Variants in GBE1 observed in about 807,000 individuals in gnomAD.
GBE1 encodes 1,4-alpha-glucan branching enzyme 1.
GBE1 carries 70 observed loss-of-function variants against 88.8 expected under a neutral mutation model. The ratio of observed to expected loss-of-function variants is 0.79; its 90% CI spans 0.65 to 0.96. The LOEUF is 0.96. Ranked by LOEUF, GBE1 falls within the 40% of genes least tolerant of loss-of-function variation. The probability of loss-of-function intolerance (pLI) is 0.00; values close to 1 mark genes in which losing one functional copy is unlikely to be tolerated. For missense variants in GBE1, 872 were observed against 871.0 expected (o/e 1.00, Z -0.01); for synonymous variants, 284 against 300.1 (o/e 0.95, Z 0.56).
chr3:81,555,532 A>T (rs1326781704), intron 12 of GBE1, among the ~76,000 whole-genome samples: 1 of 152,186 alleles, frequency 6.6e-6, no homozygotes, highest in Non-Finnish European at 1.5e-5. Context: ...CATTACTTAA[A>T]TTATGCCATC....
intron 14 of GBE1, among the ~76,000 whole-genome samples, chr3:81,501,333 G>C (rs1483562036): frequency 6.6e-6 from 1 of 152,112 alleles, no homozygotes; most frequent in African/African-American, 2.4e-5. Flanking sequence ...CCCAATGTCT[G>C]GTGACGAGAA....
rs151209529 is a variant in GBE1 at position 81,529,422 on chromosome 3, T to C, written c.1934+5773A>G. Among the ~76,000 whole-genome samples, 525 of 151,930 alleles carry C rather than the reference T, an allele frequency of 3.5e-3. 3 individuals are homozygous for C. The highest frequency in any genetic ancestry group is 0.02 in the Middle Eastern group (6 of 294). On this transcript the variant is annotated intron_variant, in intron 14 of 15. Transcript: ENST00000429644. Reference sequence around the variant, plus strand: ...TTACGAGTTTTGTGACTTAAGGTTATTTCTTATTGCTTATTAACATCCTTT... The same window carrying C: ...TTACGAGTTTTGTGACTTAAGGTTACTTCTTATTGCTTATTAACATCCTTT...
At chr3:81,665,535 CAAA>C (rs1244162448) in intron 3 of GBE1, among the ~76,000 whole-genome samples, 2 of 90,076 alleles carry the variant, frequency 2.2e-5, no homozygotes, top group Non-Finnish European at 4.8e-5. Flanking sequence ...GACTCCGTCT[CAAA>C]AAAAAAAAAA....
chr3:81,721,490 A>G (rs142235398), intron 1 of GBE1, among the ~76,000 whole-genome samples: 6 of 152,260 alleles, frequency 3.9e-5, no homozygotes, highest in Middle Eastern at 6.8e-3. Flanking sequence ...CATAATTAAA[A>G]CAAGTGAAAT....
chr3:81,699,931 T>C (rs1346521084), intron 2 of GBE1, among the ~76,000 whole-genome samples: 2 of 152,234 alleles, frequency 1.3e-5, no homozygotes, highest in African/African-American at 2.4e-5. Flanking sequence ...GCCATGTTAT[T>C]TGGCTAATGA....
intron 12 of GBE1, among the ~76,000 whole-genome samples, chr3:81,550,566 C>T (rs1645827599): frequency 6.6e-6 from 1 of 152,070 alleles, no homozygotes; most frequent in South Asian, 2.1e-4. Context: ...TCCCAGATGA[C>T]TAGGCATTCT....
At chr3:81,672,696 G>T (rs886397637) in intron 2 of GBE1, among the ~76,000 whole-genome samples, 1 of 151,884 alleles carries the variant, frequency 6.6e-6, no homozygotes, top group African/African-American at 2.4e-5. Flanking sequence ...TTTTGTTAAA[G>T]TGAGTTGTAT....
At chr3:81,584,043 G>A (rs1450899954) in intron 10 of GBE1, among the ~76,000 whole-genome samples, 1 of 151,904 alleles carries the variant, frequency 6.6e-6, no homozygotes, top group Non-Finnish European at 1.5e-5. Flanking sequence ...TAAATATTTG[G>A]TGGAATTAAC....
Position 81,578,123 on chromosome 3 carries a change from A to G in GBE1, c.1447-27T>C, listed in dbSNP as rs190541487. 238 of 1,531,162 alleles carry G rather than the reference A, an allele frequency of 1.6e-4. 1 individual carries two copies. The African/African-American group carries it at 3.2e-3, about 20-fold the overall frequency. 94.8% of individuals were successfully genotyped at this position (1,531,162 alleles called of 1,614,324 possible). ...TACAGAAATAAAAGTAATGGAGATA[A>G]ATGAAAAAAAAAAGTGCTAAGTAGT... is the stretch of plus-strand genomic sequence containing the variant. On this transcript the variant is annotated intron_variant, in intron 11 of 15. Coordinates refer to ENST00000429644, the MANE Select transcript of GBE1 (RefSeq NM_000158.4).
intron 14 of GBE1, among the ~76,000 whole-genome samples, chr3:81,534,211 A>AT (rs1402409884): frequency 1.3e-5 from 2 of 150,986 alleles, no homozygotes; most frequent in African/African-American, 2.4e-5. Flanking sequence ...TGAATCTGTC[A>AT]TTTTTTTCAT....
At chr3:81,499,366 T>A in intron 14 of GBE1, 139 bp from the exon 15 acceptor site, 1 of 676,400 alleles carries the variant, frequency 1.5e-6, no homozygotes, top group Non-Finnish European at 2.7e-6. Flanking sequence ...TCTTCTTTTA[T>A]AGTTTTATGT....
At chr3:81,530,688 C>T (rs1469863838) in intron 14 of GBE1, among the ~76,000 whole-genome samples, 10 of 151,944 alleles carry the variant, frequency 6.6e-5, no homozygotes, top group Non-Finnish European at 1.2e-4. Context: ...CTCACTCTAT[C>T]CTGAGCTGCC....
chr3:81,680,335 T>C (rs559331434), intron 2 of GBE1, among the ~76,000 whole-genome samples: 1 of 151,802 alleles, frequency 6.6e-6, no homozygotes, highest in East Asian at 1.9e-4. Context: ...CTACTAAAAA[T>C]GCAAAAACAA....
chr3:81,617,105 G>GT (rs35875723), intron 7 of GBE1, among the ~76,000 whole-genome samples: 98,444 of 151,696 alleles, frequency 0.65, 33,596 homozygotes, highest in East Asian at 0.92. Context: ...TTCTGGAGGG[G>GT]TTTGTTTAGA....
chr3:81,720,446 T>C (rs1008628401), intron 1 of GBE1, among the ~76,000 whole-genome samples: 21 of 151,872 alleles, frequency 1.4e-4, no homozygotes, highest in Admixed American at 6.6e-5. Context: ...AGAATAGGTC[T>C]GAAAGCACAG....
At chr3:81,620,779 G>T (rs985051895) in intron 7 of GBE1, among the ~76,000 whole-genome samples, 2 of 152,078 alleles carry the variant, frequency 1.3e-5, no homozygotes. Context: ...GTGAGGTGGC[G>T]GGAAGAATGT....
intron 3 of GBE1, among the ~76,000 whole-genome samples, chr3:81,653,772 A>G (rs1704887085): frequency 6.6e-6 from 1 of 152,220 alleles, no homozygotes; most frequent in Non-Finnish European, 1.5e-5. Context: ...CTCACAGCCT[A>G]AAGTATTTTA....
Position 81,535,323 on chromosome 3 carries a change from GGCC to G in GBE1, c.1804-1_1805del. The G allele has an allele frequency of 6.2e-7, 1 of 1,600,620 alleles. No individual in the cohort carries two copies. The highest frequency in any genetic ancestry group is 8.5e-7 in the Non-Finnish European group (1 of 1,175,404). On this transcript the variant is annotated splice_acceptor_variant and coding_sequence_variant, in exon 14 of 16. Transcript: ENST00000429644. LOFTEE classifies it high-confidence loss of function. ...TGCCTTCATGTTTTTCACTCACGTA[GGCC>G]TGCAAGAATTAGCACACATGTTACA... is the stretch of plus-strand genomic sequence containing the variant.
intron 1 of GBE1, among the ~76,000 whole-genome samples, chr3:81,731,543 T>C (rs886773313): frequency 1.3e-5 from 2 of 152,150 alleles, no homozygotes; most frequent in Non-Finnish European, 2.9e-5. Flanking sequence ...TGATATGGTT[T>C]GGATTTGTGT....
Sources: gnomAD v4.1 joint callset for allele counts (sites outside exome capture counted in the v4.1 genomes callset) on GRCh38, gnomAD v4.1.1 for gene constraint, MANE v1.5 for transcripts, NCBI Gene and HGNC (gene_info 2026-07-23, HGNC 2026-07-21) for gene names.